CNTN5: variants seen among roughly 807,000 people sequenced by gnomAD.
CNTN5 encodes the protein contactin 5, also known as contactin-5.
A neutral mutation model predicts 129.1 loss-of-function variants in CNTN5; 77 were observed. The ratio of observed to expected loss-of-function variants is 0.60; its 90% CI spans 0.50 to 0.72. The LOEUF (loss-of-function observed/expected upper bound fraction) is 0.72, where lower values mean the gene tolerates loss of function less well. Ranked by LOEUF, CNTN5 falls within the 30% of genes least tolerant of loss-of-function variation. The pLI, the probability that CNTN5 is intolerant of heterozygous loss-of-function variation, is 0.00. For missense variants in CNTN5, 1,478 were observed against 1,328.8 expected, an observed-to-expected ratio of 1.11 and a Z score of -1.75; for synonymous variants, 509 against 465.6, an observed-to-expected ratio of 1.09 and a Z score of -1.20.
chr11:99,186,410 T>G (rs947284184), intron 1 of CNTN5, among the ~76,000 whole-genome samples: 2 of 151,966 alleles, frequency 1.3e-5, no homozygotes. Flanking sequence ...TGTTTATTGG[T>G]AATTTGTGGT....
At chr11:99,831,584 C>T (rs1947141258) in intron 4 of CNTN5, among the ~76,000 whole-genome samples, 1 of 151,976 alleles carries the variant, frequency 6.6e-6, no homozygotes, top group Non-Finnish European at 1.5e-5. Context: ...ATAGCGGATC[C>T]AACTGGCAGC....
rs1481773537 is a variant in CNTN5, at chr11:99,804,947, A to C, written c.56-14597A>C. On this transcript the variant is annotated intron_variant, in intron 3 of 24. Coordinates refer to ENST00000524871, the MANE Select transcript of CNTN5 (RefSeq NM_014361.4). ...TCATGATGGAACATATAACAGGATT[A>C]GAAAAATAGCAAGTTCAAAGGCTGA... 2.0e-5 allele frequency among the ~76,000 whole-genome samples: 3 copies of C among 151,974 alleles called. 1 individual carries two copies. Among genetic ancestry groups the C allele is most frequent in the Non-Finnish European group, 1.5e-5 (1 of 67,984 alleles).
chr11:99,325,922 A>G (rs564776184), intron 2 of CNTN5, among the ~76,000 whole-genome samples: 1 of 152,206 alleles, frequency 6.6e-6, no homozygotes, highest in African/African-American at 2.4e-5. Flanking sequence ...GACAATGCTT[A>G]AAGTTAAATA....
Position 99,843,351 on chromosome 11 carries a change from G to A in CNTN5, c.278-1501G>A, listed in dbSNP as rs1035080412. Among the ~76,000 whole-genome samples the A allele has an allele frequency of 4.6e-5, 7 of 152,102 alleles. 1 individual carries two copies. Among genetic ancestry groups the A allele is most frequent in the Admixed American group, 4.6e-4 (7 of 15,274 alleles). ...ACTGTGAAAACTTTTGTTTTACTTC[G>A]CCAAGACAAAATATTTAAAGAAATA... On this transcript the variant is annotated intron_variant, in intron 4 of 24. Transcript: ENST00000524871.
At chr11:99,690,112 G>C (rs146449827) in intron 3 of CNTN5, among the ~76,000 whole-genome samples, 1 of 152,092 alleles carries the variant, frequency 6.6e-6, no homozygotes, top group Non-Finnish European at 1.5e-5. Context: ...TGTATATGGT[G>C]TAAGGAAGGG....
intron 13 of CNTN5, among the ~76,000 whole-genome samples, chr11:100,184,932 C>T (rs1176359456): frequency 1.3e-5 from 2 of 151,952 alleles, no homozygotes; most frequent in African/African-American, 4.8e-5. Context: ...GTGGTTTCCC[C>T]CATGCTGGTC....
intron 1 of CNTN5, among the ~76,000 whole-genome samples, chr11:99,277,758 C>G (rs1274304272): frequency 6.6e-6 from 1 of 151,612 alleles, no homozygotes; most frequent in Non-Finnish European, 1.5e-5. Flanking sequence ...TGAAAAACAA[C>G]ATGTATTATA....
At chr11:99,129,465 A>G (rs564879704) in intron 1 of CNTN5, among the ~76,000 whole-genome samples, 1 of 152,298 alleles carries the variant, frequency 6.6e-6, no homozygotes, top group East Asian at 1.9e-4. Context: ...GGACTATGTA[A>G]AAAGACCAAA....
chr11:99,627,729 C>T (rs548697380), intron 3 of CNTN5, among the ~76,000 whole-genome samples: 7 of 151,844 alleles, frequency 4.6e-5, no homozygotes, highest in South Asian at 2.1e-4. Flanking sequence ...CTCTTATGCA[C>T]TTGTTGGTCT....
At chr11:99,357,620 T>A (rs983888073) in intron 2 of CNTN5, among the ~76,000 whole-genome samples, 31 of 151,712 alleles carry the variant, frequency 2.0e-4, no homozygotes, top group African/African-American at 7.3e-4. Context: ...ATATGCAAAA[T>A]AAGATAATAA....
intron 13 of CNTN5, among the ~76,000 whole-genome samples, chr11:100,111,462 G>GAAGTTCTCAGA (rs1491217160): frequency 6.6e-6 from 1 of 152,144 alleles, no homozygotes; most frequent in African/African-American, 2.4e-5. Flanking sequence ...ATCTGTCCCT[G>GAAGTTCTCAGA]AAGTTCTCAG....
intron 18 of CNTN5, among the ~76,000 whole-genome samples, chr11:100,279,402 A>G (rs1950582833): frequency 6.6e-6 from 1 of 151,840 alleles, no homozygotes; most frequent in Non-Finnish European, 1.5e-5. Flanking sequence ...TCTTCTTTAA[A>G]TGTTTGGCAG....
At chr11:99,993,606 G>A (rs1380735311) in intron 8 of CNTN5, among the ~76,000 whole-genome samples, 4 of 152,134 alleles carry the variant, frequency 2.6e-5, no homozygotes, top group Non-Finnish European at 1.5e-5. Context: ...ACTCCTGTGA[G>A]AATCTAATGC....
intron 2 of CNTN5, among the ~76,000 whole-genome samples, chr11:99,463,570 T>C (rs865902934): frequency 1.7e-4 from 26 of 152,204 alleles, no homozygotes; most frequent in African/African-American, 5.5e-4. Context: ...TACTGTATAA[T>C]GTCTGCTATT....
intron 2 of CNTN5, among the ~76,000 whole-genome samples, chr11:99,514,207 T>G (rs1252169561): frequency 2.0e-5 from 3 of 152,128 alleles, no homozygotes; most frequent in Non-Finnish European, 4.4e-5. Flanking sequence ...ACTGAATTAC[T>G]GCAATCTCAT....
intron 13 of CNTN5, among the ~76,000 whole-genome samples, chr11:100,123,745 T>C (rs1946096946): frequency 6.6e-6 from 1 of 152,012 alleles, no homozygotes; most frequent in Non-Finnish European, 1.5e-5. Flanking sequence ...TGAATGACTA[T>C]AATGCAATTA....
intron 2 of CNTN5, among the ~76,000 whole-genome samples, chr11:99,543,081 A>G (rs559635443): frequency 6.6e-6 from 1 of 152,270 alleles, no homozygotes; most frequent in South Asian, 2.1e-4. Context: ...GCTCTGTTAT[A>G]TATATATTCC....
intron 13 of CNTN5, among the ~76,000 whole-genome samples, chr11:100,176,657 G>A (rs1486718945): frequency 1.3e-5 from 2 of 152,016 alleles, no homozygotes; most frequent in Admixed American, 1.3e-4. Context: ...AAAGCATGTG[G>A]TCTTACATAA....
intron 22 of CNTN5, among the ~76,000 whole-genome samples, 181 bp from the exon 23 acceptor site, chr11:100,340,912 G>A (rs1177775091): frequency 6.6e-6 from 1 of 152,182 alleles, no homozygotes; most frequent in East Asian, 1.9e-4. Flanking sequence ...AAGCTCAGCA[G>A]AGTAGCTATT....
Sources: gnomAD v4.1 joint callset for allele counts (sites outside exome capture counted in the v4.1 genomes callset) on GRCh38, gnomAD v4.1.1 for gene constraint, MANE v1.5 for transcripts, NCBI Gene and HGNC (gene_info 2026-07-23, HGNC 2026-07-21) for gene names.